The following PLCL1 variants were observed in gnomAD, a reference collection of about 807,000 sequenced individuals.
PLCL1 encodes the protein inactive phospholipase C-like protein 1.
In PLCL1, 41 loss-of-function variants were observed where a neutral mutation model predicts 84.4. That is an observed-to-expected ratio of 0.49 (90% confidence interval 0.38 to 0.63). The LOEUF is 0.63. PLCL1 is among the 30% of genes least tolerant of loss of function. The probability of loss-of-function intolerance (pLI) is 0.00; values close to 1 mark genes in which losing one functional copy is unlikely to be tolerated. For synonymous variants in PLCL1, 490 were observed against 488.3 expected (o/e 1.00, Z -0.05); for missense variants, 1,206 against 1,367.8 (o/e 0.88, Z 1.87).
At chr2:197,838,189 T>G (rs1346886811) in intron 1 of PLCL1, among the ~76,000 whole-genome samples, 2 of 152,254 alleles carry the variant, frequency 1.3e-5, no homozygotes, top group African/African-American at 4.8e-5. Flanking sequence ...TTATTTCTAG[T>G]GATGCTAGCT....
chr2:197,987,558 C>T (rs1690242576), intron 1 of PLCL1, among the ~76,000 whole-genome samples: 1 of 152,152 alleles, frequency 6.6e-6, no homozygotes, highest in South Asian at 2.1e-4. Flanking sequence ...GACTAGGATA[C>T]TCATTTTGTG....
chr2:197,932,971 G>C (rs1197508820), intron 1 of PLCL1, among the ~76,000 whole-genome samples: 1 of 152,200 alleles, frequency 6.6e-6, no homozygotes, highest in African/African-American at 2.4e-5. Flanking sequence ...AAAACAATAA[G>C]TTAGAATTTC....
At chr2:197,886,411 CAAAAAAAAAAAAAA>C (rs61183744) in intron 1 of PLCL1, among the ~76,000 whole-genome samples, 12 of 77,090 alleles carry the variant, frequency 1.6e-4, no homozygotes, top group Admixed American at 1.6e-4. Flanking sequence ...GACTCTGTCT[CAAAAAAAAAAAAAA>C]AAAAAAAAAA....
intron 3 of PLCL1, among the ~76,000 whole-genome samples, chr2:198,100,468 GA>G (rs1250913683): frequency 6.6e-6 from 1 of 152,082 alleles, no homozygotes; most frequent in Non-Finnish European, 1.5e-5. Context: ...GATGGCTTAA[GA>G]AAGTTTCCCT....
At chr2:198,068,586 G>A (rs1692372368) in intron 1 of PLCL1, among the ~76,000 whole-genome samples, 2 of 152,174 alleles carry the variant, frequency 1.3e-5, no homozygotes, top group Non-Finnish European at 2.9e-5. Flanking sequence ...AGATCCCTTA[G>A]TAAAACGAAT....
rs1257963602 is a variant in PLCL1, at chr2:198,027,100, T to C, written c.241-56658T>C. On this transcript the variant is annotated intron_variant, in intron 1 of 5. Transcript: ENST00000428675. ...CGCATTGTCGACAATTGGCAAGATA[T>C]CAACCTAATTGTTCATCAGTGGATG... Among the ~76,000 whole-genome samples, 5 of 152,280 alleles carry C rather than the reference T, an allele frequency of 3.3e-5. No individual in the cohort carries two copies. The East Asian group carries it at 9.6e-4, about 29-fold the overall frequency.
intron 1 of PLCL1, among the ~76,000 whole-genome samples, chr2:197,817,469 G>T (rs1241935622): frequency 6.6e-6 from 1 of 151,964 alleles, no homozygotes; most frequent in African/African-American, 2.4e-5. Flanking sequence ...AGTAGAGATG[G>T]GGGTTTTGCT....
At chr2:197,838,530 A>G (rs1056931822) in intron 1 of PLCL1, among the ~76,000 whole-genome samples, 3 of 152,364 alleles carry the variant, frequency 2.0e-5, no homozygotes, top group African/African-American at 2.4e-5. Context: ...CACAAAGAAC[A>G]TAACATGCGG....
intron 1 of PLCL1, among the ~76,000 whole-genome samples, chr2:197,946,477 G>T (rs1214418269): frequency 6.6e-6 from 1 of 151,728 alleles, no homozygotes; most frequent in Non-Finnish European, 1.5e-5. Context: ...GCAAAGATAA[G>T]CAAAAGTCCT....
At position 198,140,607 on chromosome 2, in the gene PLCL1, C is replaced by A. The variant is rs139303649; in HGVS notation, c.3106-6173C>A. On this transcript the variant is annotated intron_variant, in intron 5 of 5. Transcript: ENST00000428675. The stretch of plus-strand genomic sequence containing the variant: ...AGAAATGTGGTAAAAGAAGATCTTT[C>A]AAATTTCTTTCAAATTTAATTTTCA... Among the ~76,000 whole-genome samples, 532 of 152,188 alleles carry A rather than the reference C, an allele frequency of 3.5e-3. 4 individuals carry two copies. Among genetic ancestry groups the A allele is most frequent in the Non-Finnish European group, 5.8e-3 (394 of 67,978 alleles).
rs1042978450 is a variant in PLCL1 at position 198,148,090 on chromosome 2, C to T, written c.*1128C>T. 6.6e-6 allele frequency: 1 copy of T among 152,176 alleles called. No individual in the cohort carries two copies. Among genetic ancestry groups the T allele is most frequent in the African/African-American group, 2.4e-5 (1 of 41,380 alleles). 9.4% of individuals were successfully genotyped at this position (152,176 alleles called of 1,614,324 possible). Reference sequence around the variant, plus strand: ...CAAAAAGAAATGACTAATTAGGGTACATTTATAATTGCATCTAGGTAATTT... The same window carrying T: ...CAAAAAGAAATGACTAATTAGGGTATATTTATAATTGCATCTAGGTAATTT... On this transcript the variant is annotated 3_prime_UTR_variant, in exon 6 of 6. Coordinates refer to ENST00000428675, the MANE Select transcript of PLCL1 (RefSeq NM_006226.4).
chr2:197,993,860 G>A lies in PLCL1; in HGVS notation c.241-89898G>A, dbSNP rs143934327. ...GGCATAGAGCAGGATAGTAACAGGT[G>A]GAGGCTGGGTCTACAGTGGTAGACA... On this transcript the variant is annotated intron_variant, in intron 1 of 5. Transcript: ENST00000428675. 2.6e-5 allele frequency among the ~76,000 whole-genome samples: 4 copies of A among 152,276 alleles called. No homozygotes were observed. In the East Asian group the frequency reaches 7.7e-4, roughly 29 times the overall value.
At chr2:197,877,959 C>A (rs1421194185) in intron 1 of PLCL1, among the ~76,000 whole-genome samples, 1 of 151,984 alleles carries the variant, frequency 6.6e-6, no homozygotes, top group African/African-American at 2.4e-5. Context: ...CAGTTAAGAA[C>A]CATTGATTAA....
intron 1 of PLCL1, among the ~76,000 whole-genome samples, chr2:198,078,441 T>G (rs1692633140): frequency 6.6e-6 from 1 of 152,198 alleles, no homozygotes; most frequent in African/African-American, 2.4e-5. Context: ...GTGTATAGGT[T>G]GTATATATGA....
chr2:197,990,798 G>T (rs1400357434), intron 1 of PLCL1, among the ~76,000 whole-genome samples: 1 of 152,108 alleles, frequency 6.6e-6, no homozygotes, highest in African/African-American at 2.4e-5. Context: ...ATGCAAAGGT[G>T]TACTTTTTGG....
At chr2:198,032,562 A>T (rs561573944) in intron 1 of PLCL1, among the ~76,000 whole-genome samples, 81 of 151,942 alleles carry the variant, frequency 5.3e-4, no homozygotes, top group Middle Eastern at 3.4e-3. Flanking sequence ...ATAAATTAAC[A>T]TTTTTTTTAG....
intron 1 of PLCL1, among the ~76,000 whole-genome samples, chr2:197,940,445 C>G (rs994538100): frequency 6.6e-6 from 1 of 152,186 alleles, no homozygotes; most frequent in African/African-American, 2.4e-5. Context: ...GCTAGACTTT[C>G]CTTTCCAGAT....
intron 1 of PLCL1, among the ~76,000 whole-genome samples, chr2:197,961,264 A>AGAGAGAGAGT (rs1353312792): frequency 2.1e-5 from 3 of 139,632 alleles, no homozygotes; most frequent in African/African-American, 8.0e-5. Flanking sequence ...AGAGAGAGAG[A>AGAGAGAGAGT]GAGCGAGCAT....
At chr2:197,984,948 T>TG (rs561228711) in intron 1 of PLCL1, among the ~76,000 whole-genome samples, 4,574 of 152,004 alleles carry the variant, frequency 0.03, 242 homozygotes, top group African/African-American at 0.1. Flanking sequence ...GTTTTTTTTT[T>TG]TTTGTTTGTT....
Sources: gnomAD v4.1 joint callset for allele counts (sites outside exome capture counted in the v4.1 genomes callset) on GRCh38, gnomAD v4.1.1 for gene constraint, MANE v1.5 for transcripts, NCBI Gene and HGNC (gene_info 2026-07-23, HGNC 2026-07-21) for gene names.